The following CDIN1 variants were observed in gnomAD, a reference collection of about 807,000 sequenced individuals.
CDIN1 encodes the protein CDAN1 interacting nuclease 1.
In CDIN1, 33 loss-of-function variants were observed where a neutral mutation model predicts 45.3. That is an observed-to-expected ratio of 0.73 (90% CI 0.55 to 0.97). The LOEUF is 0.97. Ranked by LOEUF, CDIN1 falls within the 50% of genes least tolerant of loss-of-function variation. The pLI, the probability that CDIN1 is intolerant of heterozygous loss-of-function variation, is 0.00. For missense variants in CDIN1, 303 were observed against 339.4 expected (o/e 0.89, Z 0.84); for synonymous variants, 118 against 124.4 (o/e 0.95, Z 0.34).
In CDIN1 at chr15:36,743,650, G is replaced by C. The variant is rs370454241; in HGVS notation, c.716+33689G>C. Among the ~76,000 whole-genome samples, 3 of 152,096 alleles carry C rather than the reference G, an allele frequency of 2.0e-5. No individual in the cohort carries two copies. The East Asian group carries it at 5.8e-4, about 29-fold the overall frequency. ...CTCACACCTGTAATTCCAGCACTTT[G>C]GGAGGCTGAGGCAGGAGGGATGCTT... On this transcript the variant is annotated intron_variant, in intron 10 of 10. Transcript: ENST00000566621.
chr15:36,605,235 AAT>A, intron 1 of CDIN1, among the ~76,000 whole-genome samples: 1 of 152,282 alleles, frequency 6.6e-6, no homozygotes, highest in East Asian at 1.9e-4. Context: ...ATTAAAGGAG[AAT>A]TTGAGTAGCT....
intron 10 of CDIN1, among the ~76,000 whole-genome samples, chr15:36,715,408 GTTAGAGTTAAGGAAGATAT>G (rs2043186083): frequency 6.6e-6 from 1 of 152,168 alleles, no homozygotes; most frequent in East Asian, 1.9e-4. Flanking sequence ...ATGCCAACCA[GTTAGAGTTAAGGAAGATAT>G]TTTTCAGAGC....
intron 1 of CDIN1, among the ~76,000 whole-genome samples, chr15:36,589,773 G>A (rs529267962): frequency 2.6e-5 from 4 of 152,252 alleles, no homozygotes; most frequent in Admixed American, 2.0e-4. Flanking sequence ...CAAAGTGCTG[G>A]GATTACAGGC....
intron 10 of CDIN1, among the ~76,000 whole-genome samples, chr15:36,786,245 T>G (rs1373673033): frequency 1.3e-5 from 2 of 152,240 alleles, no homozygotes; most frequent in Non-Finnish European, 2.9e-5. Context: ...TAGATAAAAT[T>G]GTCTCAATCC....
intron 10 of CDIN1, among the ~76,000 whole-genome samples, chr15:36,758,948 A>G (rs1258561347): frequency 6.6e-6 from 1 of 152,190 alleles, no homozygotes; most frequent in Non-Finnish European, 1.5e-5. Flanking sequence ...ATCCAGAAAA[A>G]TTATGAAATT....
At chr15:36,736,505 T>A (rs1177699479) in intron 10 of CDIN1, among the ~76,000 whole-genome samples, 1 of 152,182 alleles carries the variant, frequency 6.6e-6, no homozygotes, top group East Asian at 1.9e-4. Flanking sequence ...GCTTTGATAA[T>A]GAGTTGGTTA....
chr15:36,787,087 C>T (rs1026352345), intron 10 of CDIN1, among the ~76,000 whole-genome samples: 6 of 152,224 alleles, frequency 3.9e-5, no homozygotes, highest in African/African-American at 1.2e-4. Context: ...AGACGTGTGT[C>T]ATCAGATTCA....
chr15:36,626,756 C>A, intron 1 of CDIN1: 3 of 393,566 alleles, frequency 7.6e-6, no homozygotes, highest in South Asian at 4.2e-5. Context: ...TTTATAGTCC[C>A]TTACTTGGTG....
chr15:36,664,395 A>G (rs551066242), intron 5 of CDIN1, among the ~76,000 whole-genome samples: 58 of 152,346 alleles, frequency 3.8e-4, no homozygotes, highest in Non-Finnish European at 7.6e-4. Flanking sequence ...TCAAGTGTTT[A>G]TTTAATCCAC....
At chr15:36,807,488 A>C (rs1169832714) in intron 10 of CDIN1, among the ~76,000 whole-genome samples, 1 of 152,132 alleles carries the variant, frequency 6.6e-6, no homozygotes, top group East Asian at 1.9e-4. Context: ...ATTGATAGTG[A>C]TTACATCTTT....
At chr15:36,761,894 T>C (rs2053773768) in intron 10 of CDIN1, among the ~76,000 whole-genome samples, 1 of 152,168 alleles carries the variant, frequency 6.6e-6, no homozygotes. Flanking sequence ...TTGCCACCAA[T>C]TGCAAATGAC....
chr15:36,765,086 C>A (rs564598187), intron 10 of CDIN1, among the ~76,000 whole-genome samples: 1 of 137,008 alleles, frequency 7.3e-6, no homozygotes, highest in Non-Finnish European at 1.5e-5. Context: ...GATGGAGTCT[C>A]GCTCCGTCAT....
intron 10 of CDIN1, among the ~76,000 whole-genome samples, chr15:36,729,996 A>T (rs536363011): frequency 1.1e-4 from 17 of 152,150 alleles, no homozygotes; most frequent in Non-Finnish European, 2.4e-4. Flanking sequence ...GGTCTATGTC[A>T]ATTATATTTT....
chr15:36,649,268 G>A (rs2040478336), intron 3 of CDIN1, among the ~76,000 whole-genome samples: 1 of 152,138 alleles, frequency 6.6e-6, no homozygotes, highest in Admixed American at 6.5e-5. Context: ...AAAACTCTTT[G>A]GGGTAGGGCT....
At chr15:36,580,002 A>G (rs1235546201) in intron 1 of CDIN1, 41 bp downstream of exon 1, 1 of 1,571,904 alleles carries the variant, frequency 6.4e-7, no homozygotes, top group South Asian at 1.1e-5. Flanking sequence ...CTTTGCCTGC[A>G]GCAGCAGTGC....
chr15:36,712,380 C>T (rs997344350), intron 10 of CDIN1, among the ~76,000 whole-genome samples: 44 of 150,366 alleles, frequency 2.9e-4, no homozygotes, highest in African/African-American at 1.1e-3. Context: ...ATTCTCCTGC[C>T]TCAGCCTCCC....
At chr15:36,625,376 C>T (rs557600298) in intron 1 of CDIN1, among the ~76,000 whole-genome samples, 8 of 151,996 alleles carry the variant, frequency 5.3e-5, no homozygotes, top group Non-Finnish European at 1.0e-4. Flanking sequence ...ATTATGGTCA[C>T]GGAATTAAAT....
intron 10 of CDIN1, among the ~76,000 whole-genome samples, chr15:36,730,477 C>A (rs2043796954): frequency 6.6e-6 from 1 of 152,064 alleles, no homozygotes; most frequent in South Asian, 2.1e-4. Flanking sequence ...TTCAATACAA[C>A]TGTTTTAAAA....
intron 5 of CDIN1, among the ~76,000 whole-genome samples, chr15:36,667,666 T>C (rs2041299252): frequency 6.6e-6 from 1 of 152,172 alleles, no homozygotes; most frequent in African/African-American, 2.4e-5. Flanking sequence ...ATTCCACTTT[T>C]CTTCTTATTC....
Sources: gnomAD v4.1 joint callset for allele counts (sites outside exome capture counted in the v4.1 genomes callset) on GRCh38, gnomAD v4.1.1 for gene constraint, MANE v1.5 for transcripts, NCBI Gene and HGNC (gene_info 2026-07-23, HGNC 2026-07-21) for gene names.